The following RTTN variants were observed in gnomAD, a reference collection of about 807,000 sequenced individuals.
RTTN encodes the protein rotatin.
In RTTN, 182 loss-of-function variants were observed where a neutral mutation model predicts 269.2. That is an observed-to-expected ratio of 0.68 (90% CI 0.60 to 0.76). The LOEUF is 0.76. Ranked by LOEUF, RTTN falls within the 30% of genes least tolerant of loss-of-function variation. RTTN has a pLI of 0.00. For synonymous variants in RTTN, 1,006 were observed against 963.5 expected (o/e 1.04, Z -0.82); for missense variants, 2,545 against 2,608.6 (o/e 0.98, Z 0.53).
intron 40 of RTTN, among the ~76,000 whole-genome samples, chr18:70,032,868 G>A (rs1340862333): frequency 6.6e-6 from 1 of 152,188 alleles, no homozygotes; most frequent in African/African-American, 2.4e-5. Context: ...GAATACAACA[G>A]AGTATACATT....
intron 34 of RTTN, among the ~76,000 whole-genome samples, chr18:70,066,629 T>C (rs1462588195): frequency 6.6e-6 from 1 of 152,216 alleles, no homozygotes; most frequent in Non-Finnish European, 1.5e-5. Flanking sequence ...TTACCATCAA[T>C]TTCTCTTCTG....
chr18:70,077,258 T>C (rs1486962029), intron 32 of RTTN, among the ~76,000 whole-genome samples: 1 of 152,024 alleles, frequency 6.6e-6, no homozygotes, highest in Non-Finnish European at 1.5e-5. Context: ...TTTCATATTT[T>C]TGCAAAATTA....
chr18:70,079,893 C>G (rs1039571586), intron 32 of RTTN, among the ~76,000 whole-genome samples: 1 of 151,876 alleles, frequency 6.6e-6, no homozygotes, highest in Non-Finnish European at 1.5e-5. Flanking sequence ...TGAAAAGGTA[C>G]TAGAAGCAAA....
At chr18:70,142,804 T>C (rs895760163) in intron 18 of RTTN, among the ~76,000 whole-genome samples, 12 of 152,224 alleles carry the variant, frequency 7.9e-5, no homozygotes, top group Admixed American at 7.2e-4. Context: ...GCCAACATGG[T>C]GAAACCCCAT....
intron 33 of RTTN, among the ~76,000 whole-genome samples, chr18:70,074,385 A>G (rs963453456): frequency 2.0e-5 from 3 of 152,122 alleles, no homozygotes; most frequent in African/African-American, 7.2e-5. Context: ...TCTAAGAGGG[A>G]TATTTAAAAT....
Position 70,004,166 on chromosome 18 carries a change from G to A in RTTN, c.6666C>T (p.Leu2222=). The A allele has an allele frequency of 6.2e-7, 1 of 1,613,308 alleles. No individual in the cohort carries two copies. The highest frequency in any genetic ancestry group is 8.5e-7 in the Non-Finnish European group (1 of 1,179,296). The change falls in exon 49 of 49, where the codon CTC becomes CTT. Residue 2222 remains leucine (L), a synonymous_variant. Coordinates refer to ENST00000640769, the MANE Select transcript of RTTN (RefSeq NM_173630.4). ...CCCATGGCACTCAGGAAGAATTAAG[G>A]AGCTGCACGAGGTTTTCAAGACATT... The part of the protein sequence containing the change: ...YLKCLENLVQ[L]LNSS
chr18:70,180,131 A>T (rs1278745683), intron 10 of RTTN, among the ~76,000 whole-genome samples: 1 of 152,162 alleles, frequency 6.6e-6, no homozygotes, highest in Non-Finnish European at 1.5e-5. Flanking sequence ...TAAAAAAAAA[A>T]AATGCTATTT....
chr18:70,035,250 G>A (rs111619004), intron 40 of RTTN, among the ~76,000 whole-genome samples: 5,436 of 152,126 alleles, frequency 0.036, 340 homozygotes, highest in African/African-American at 0.12. Flanking sequence ...AGCCCAAATC[G>A]CCAAGGCAAT....
chr18:70,076,838 T>C (rs1393592509), intron 32 of RTTN, among the ~76,000 whole-genome samples: 2 of 151,980 alleles, frequency 1.3e-5, no homozygotes, highest in Non-Finnish European at 2.9e-5. Flanking sequence ...CCAAGGTATA[T>C]GTTACAGGTA....
At chr18:70,004,297 G>C in intron 48 of RTTN, 61 bp from the exon 49 acceptor site, 2 of 1,138,400 alleles carry the variant, frequency 1.8e-6, no homozygotes, top group Admixed American at 1.7e-5. Context: ...CTATACTTAG[G>C]AGGCACACAC....
chr18:70,190,827 T>G, intron 8 of RTTN, 108 bp from the exon 9 acceptor site: 1 of 662,692 alleles, frequency 1.5e-6, no homozygotes, highest in South Asian at 2.3e-5. Flanking sequence ...GTCACAACTC[T>G]ACTGCTTCAT....
At position 70,003,612 on chromosome 18, in the gene RTTN, C is replaced by G. The variant is rs1472413156; in HGVS notation, c.*539G>C. On this transcript the variant is annotated 3_prime_UTR_variant, in exon 49 of 49. Coordinates refer to ENST00000640769, the MANE Select transcript of RTTN (RefSeq NM_173630.4). Reference sequence around the variant, plus strand: ...ATAATGCACACTTACTTCTACATAGCCCTTTTCCAGTGTGGATGCTCTGGA... The same window carrying G: ...ATAATGCACACTTACTTCTACATAGGCCTTTTCCAGTGTGGATGCTCTGGA... 1.3e-5 allele frequency: 2 copies of G among 152,280 alleles called. No individual in the cohort carries two copies. The highest frequency in any genetic ancestry group is 4.8e-5 in the African/African-American group (2 of 41,528). 9.4% of individuals were successfully genotyped at this position (152,280 alleles called of 1,614,324 possible). A position where few individuals can be genotyped will look rare whatever the true frequency, so the allele number is the denominator to read the frequency against.
intron 40 of RTTN, among the ~76,000 whole-genome samples, chr18:70,046,858 G>C (rs2057505517): frequency 6.6e-6 from 1 of 152,196 alleles, no homozygotes. Context: ...TGTAGCACAA[G>C]GGAGACAAAG....
rs1177498994 is a variant in RTTN at position 70,176,896 on chromosome 18, G to C, written c.1306-51C>G. The C allele has an allele frequency of 2.8e-6, 4 of 1,440,390 alleles. No homozygotes were observed. The African/African-American group carries it at 4.3e-5, about 15-fold the overall frequency. The allele number at this position is 1,440,390 out of a possible 1,614,324, so 89.2% of individuals were successfully genotyped here. ...CAGAAGAAAACAACCAATTTTAGGG[G>C]CCAGTATACAAAAGCCATGGAGAAC... On this transcript the variant is annotated intron_variant, in intron 10 of 48. Coordinates refer to ENST00000640769, the MANE Select transcript of RTTN (RefSeq NM_173630.4).
chr18:70,049,717 A>AGGG (rs2057601947), intron 39 of RTTN, among the ~76,000 whole-genome samples: 1 of 152,200 alleles, frequency 6.6e-6, no homozygotes, highest in Non-Finnish European at 1.5e-5. Context: ...TTATGTTAAA[A>AGGG]AACAGCTTTT....
chr18:70,139,030 G>A (rs1406810620), intron 21 of RTTN: 1 of 150,722 alleles, frequency 6.6e-6, no homozygotes, highest in Non-Finnish European at 1.5e-5. Flanking sequence ...AGACAGGAAG[G>A]ACAAAACTAC....
At chr18:70,018,771 A>G (rs772680528) in intron 45 of RTTN, among the ~76,000 whole-genome samples, 3 of 151,212 alleles carry the variant, frequency 2.0e-5, no homozygotes, top group Admixed American at 6.6e-5. Flanking sequence ...TGGGACTGAC[A>G]AGGGTGATAA....
At chr18:70,022,039 A>T (rs1019122849) in intron 44 of RTTN, among the ~76,000 whole-genome samples, 3 of 152,128 alleles carry the variant, frequency 2.0e-5, no homozygotes, top group African/African-American at 4.8e-5. Flanking sequence ...TTAAATCTTA[A>T]ATTTATGACC....
intron 45 of RTTN, chr18:70,019,979 T>C (rs967893459): frequency 6.6e-6 from 1 of 152,244 alleles, no homozygotes; most frequent in Non-Finnish European, 1.5e-5. Flanking sequence ...GTATATAATC[T>C]GATTACATTC....
Sources: gnomAD v4.1 joint callset for allele counts (sites outside exome capture counted in the v4.1 genomes callset) on GRCh38, gnomAD v4.1.1 for gene constraint, MANE v1.5 for transcripts, NCBI Gene and HGNC (gene_info 2026-07-23, HGNC 2026-07-21) for gene names.